The following MTMR2 variants were observed in gnomAD, a reference collection of about 807,000 sequenced individuals.
MTMR2 encodes the protein phosphatidylinositol-3,5-bisphosphate 3-phosphatase MTMR2.
In MTMR2, 55 loss-of-function variants were observed where a neutral mutation model predicts 86.9. The ratio of observed to expected loss-of-function variants is 0.63; its 90% CI spans 0.51 to 0.79. The LOEUF is 0.79. Ranked by LOEUF, MTMR2 falls within the 30% of genes least tolerant of loss-of-function variation. MTMR2 has a pLI of 0.00. For synonymous variants in MTMR2, 241 were observed against 266.8 expected (o/e 0.90, Z 0.94); for missense variants, 659 against 772.3 (o/e 0.85, Z 1.74).
intron 1 of MTMR2, among the ~76,000 whole-genome samples, chr11:95,890,111 A>G (rs1259346851): frequency 6.6e-6 from 1 of 152,252 alleles, no homozygotes; most frequent in African/African-American, 2.4e-5. Context: ...CTTCATTTAA[A>G]TGAATGAAAA....
Position 95,923,877 on chromosome 11 carries a change from G to A in MTMR2, c.78C>T (p.Ser26=), listed in dbSNP as rs1445446484. The A allele has an allele frequency of 6.4e-7, 1 of 1,553,924 alleles. No individual in the cohort carries two copies. The highest frequency in any genetic ancestry group is 1.4e-5 in the African/African-American group (1 of 73,372). ...GGGGCCCTGGGCGTCCTGGTTACCT[G>A]GACAAGGAGTCCACGCTGGGCGGCC... ...AARPPSVDSL[S]SASTSHSENS... The change falls in exon 1 of 15, where the codon TCC becomes TCT. Residue 26 remains serine (S), a splice_region_variant and synonymous_variant. Transcript: ENST00000346299.
chr11:95,835,315 A>G lies in MTMR2; in HGVS notation c.1907T>C (p.Val636Ala). The G allele has an allele frequency of 6.2e-7, 1 of 1,613,012 alleles. No individual in the cohort carries two copies. The highest frequency in any genetic ancestry group is 8.5e-7 in the Non-Finnish European group (1 of 1,179,282). The change falls in exon 15 of 15, where the codon GTC becomes GCC. Residue 636 changes from valine to alanine, a missense_variant. By Grantham distance (64) the Val-to-Ala change is moderately conservative. Coordinates refer to ENST00000346299, the MANE Select transcript of MTMR2 (RefSeq NM_016156.6). Reference sequence around the variant, plus strand: ...TTATACAACAGTTTGGACAGGAGTGACACACTGTGCAGGAGAGCTGGCTCT... The same window carrying G: ...TTATACAACAGTTTGGACAGGAGTGGCACACTGTGCAGGAGAGCTGGCTCT... ...SERASSPAQC[V>A]TPVQTVV
chr11:95,913,968 C>G (rs1474762789), intron 1 of MTMR2, among the ~76,000 whole-genome samples: 1 of 152,028 alleles, frequency 6.6e-6, no homozygotes, highest in African/African-American at 2.4e-5. Context: ...AGTCAAACTG[C>G]AAATTGCTAA....
intron 2 of MTMR2, among the ~76,000 whole-genome samples, chr11:95,871,302 G>A (rs2135501801): frequency 6.6e-6 from 1 of 152,268 alleles, no homozygotes; most frequent in South Asian, 2.1e-4. Context: ...AGATCCCTGA[G>A]GAATCGCCAC....
intron 2 of MTMR2, among the ~76,000 whole-genome samples, chr11:95,867,638 G>T (rs1864664307): frequency 6.6e-6 from 1 of 152,070 alleles, no homozygotes; most frequent in South Asian, 2.1e-4. Context: ...TTATGCTAAA[G>T]GTTGTATATA....
chr11:95,870,187 G>A (rs946558767), intron 2 of MTMR2, among the ~76,000 whole-genome samples: 3 of 152,182 alleles, frequency 2.0e-5, no homozygotes, highest in Admixed American at 6.5e-5. Flanking sequence ...CACAGATGAT[G>A]GATGTCAGAT....
chr11:95,848,193 G>A (rs1433115121), intron 9 of MTMR2, among the ~76,000 whole-genome samples: 1 of 152,102 alleles, frequency 6.6e-6, no homozygotes, highest in Non-Finnish European at 1.5e-5. Flanking sequence ...AATTTTCCCA[G>A]CCCATACGCC....
chr11:95,851,020 G>C (rs1050239957), intron 7 of MTMR2, among the ~76,000 whole-genome samples: 22 of 136,154 alleles, frequency 1.6e-4, no homozygotes, highest in Non-Finnish European at 3.3e-4. Context: ...AGCATATTCA[G>C]GAGGTGGAAG....
chr11:95,900,943 C>A (rs571251650), intron 1 of MTMR2, among the ~76,000 whole-genome samples: 1 of 152,254 alleles, frequency 6.6e-6, no homozygotes, highest in South Asian at 2.1e-4. Context: ...CTTCCTTAAC[C>A]TCTGTGCATT....
intron 8 of MTMR2, 22 bp from the exon 9 acceptor site, chr11:95,849,884 A>G: frequency 6.3e-7 from 1 of 1,577,340 alleles, no homozygotes. Context: ...AAAAATGGTA[A>G]CACACCTTTT....
intron 1 of MTMR2, among the ~76,000 whole-genome samples, chr11:95,922,661 T>G (rs1381352552): frequency 2.0e-5 from 3 of 152,124 alleles, no homozygotes; most frequent in Non-Finnish European, 4.4e-5. Context: ...TATAATAGCT[T>G]ATAACCTGGT....
At chr11:95,899,050 TGA>T (rs1221376921) in intron 1 of MTMR2, among the ~76,000 whole-genome samples, 1 of 152,180 alleles carries the variant, frequency 6.6e-6, no homozygotes, top group East Asian at 1.9e-4. Context: ...CTGTAAGCAA[TGA>T]GAGACCTCTG....
Position 95,844,934 on chromosome 11 carries a change from G to C in MTMR2, c.1386+19C>G. On this transcript the variant is annotated intron_variant, in intron 11 of 14. Transcript: ENST00000346299. ...CATGAATGCATGTGATATATCCAAA[G>C]TCAAGGTTCCTTACTTACTAGTTGA... 1 of 1,572,844 alleles carries C rather than the reference G, an allele frequency of 6.4e-7. No individual in the cohort carries two copies. The highest frequency in any genetic ancestry group is 8.7e-7 in the Non-Finnish European group (1 of 1,145,622).
chr11:95,888,390 T>G, intron 1 of MTMR2, 129 bp from the exon 2 acceptor site: 1 of 680,542 alleles, frequency 1.5e-6, no homozygotes. Context: ...CTTTGCCTAT[T>G]CAATCTTATC....
At chr11:95,891,521 A>G (rs1162222931) in intron 1 of MTMR2, among the ~76,000 whole-genome samples, 1 of 152,150 alleles carries the variant, frequency 6.6e-6, no homozygotes, top group East Asian at 1.9e-4. Context: ...AATAAATCTA[A>G]GAGAGAGAAA....
chr11:95,924,026 G>A lies in MTMR2; in HGVS notation c.-72C>T. 1.3e-6 allele frequency: 2 copies of A among 1,530,170 alleles called. No homozygotes were observed. Among genetic ancestry groups the A allele is most frequent in the Non-Finnish European group, 1.8e-6 (2 of 1,129,546 alleles). The allele number at this position is 1,530,170 out of a possible 1,614,324, so 94.8% of individuals were successfully genotyped here. Reference sequence around the variant, plus strand: ...CTACAGGGCGGGAGAAGCGGAGGGCGGAGTGCTACGGACCGGGGCCGCAGT... The same window carrying A: ...CTACAGGGCGGGAGAAGCGGAGGGCAGAGTGCTACGGACCGGGGCCGCAGT... On this transcript the variant is annotated 5_prime_UTR_variant, in exon 1 of 15. Coordinates refer to ENST00000346299, the MANE Select transcript of MTMR2 (RefSeq NM_016156.6).
rs144509482 is a variant in MTMR2 at position 95,853,089 on chromosome 11, C to G, written c.655-2340G>C. On this transcript the variant is annotated intron_variant, in intron 7 of 14. Transcript: ENST00000346299. ...GTTCACTGTACTTTTTATTATAGCA[C>G]GTGAAAAATATATATTTCATATTTT... is the stretch of plus-strand genomic sequence containing the variant. Among the ~76,000 whole-genome samples, 50 of 148,374 alleles carry G rather than the reference C, an allele frequency of 3.4e-4. 1 individual carries two copies. In the East Asian group the frequency reaches 7.4e-3, roughly 22 times the overall value.
At chr11:95,859,629 A>T (rs1733955078) in intron 5 of MTMR2, among the ~76,000 whole-genome samples, 1 of 152,274 alleles carries the variant, frequency 6.6e-6, no homozygotes, top group Admixed American at 6.5e-5. Flanking sequence ...GTTCAAGGCC[A>T]GCCTGGGCAA....
intron 1 of MTMR2, among the ~76,000 whole-genome samples, chr11:95,894,736 A>T (rs1865823716): frequency 6.6e-6 from 1 of 152,166 alleles, no homozygotes; most frequent in African/African-American, 2.4e-5. Context: ...CCAATTTGAA[A>T]TTGACTGCTT....
Sources: allele counts gnomAD v4.1 joint callset (sites outside exome capture counted in the v4.1 genomes callset), GRCh38; gene constraint gnomAD v4.1.1; transcripts MANE v1.5; gene names NCBI Gene and HGNC (gene_info 2026-07-23, HGNC 2026-07-21).